LINGO1: variants seen among roughly 807,000 people sequenced by gnomAD.
The protein encoded by LINGO1 is leucine rich repeat and Ig domain containing 1.
LINGO1 carries 11 observed loss-of-function variants against 37.3 expected under a neutral mutation model. The observed-to-expected ratio is 0.29, with a 90% CI of 0.19 to 0.49. The LOEUF (loss-of-function observed/expected upper bound fraction) is 0.49, where lower values mean the gene tolerates loss of function less well. Ranked by LOEUF, LINGO1 falls within the 20% of genes least tolerant of loss-of-function variation. LINGO1 has a pLI of 0.99. For missense variants in LINGO1, 585 were observed against 878.2 expected, an observed-to-expected ratio of 0.67 and a Z score of 4.22; for synonymous variants, 387 against 403.0, an observed-to-expected ratio of 0.96 and a Z score of 0.48.
At chr15:77,759,922 T>C (rs1475653922) in intron 1 of LINGO1, among the ~76,000 whole-genome samples, 1 of 152,162 alleles carries the variant, frequency 6.6e-6, no homozygotes, top group Non-Finnish European at 1.5e-5. Flanking sequence ...ACCACACCTA[T>C]AACCAGGGCA....
intron 3 of LINGO1, among the ~76,000 whole-genome samples, chr15:77,641,027 T>G (rs1249276961): frequency 6.6e-6 from 1 of 152,166 alleles, no homozygotes; most frequent in Non-Finnish European, 1.5e-5. Context: ...ATGGCTGAGC[T>G]GAAATCAAAG....
In LINGO1 at chr15:77,615,311, T is replaced by G; in HGVS notation, c.596A>C (p.Glu199Ala). Residue 199 changes from glutamate to alanine, a missense_variant, in exon 2 of 2, where the codon GAG becomes GCG. Physicochemically the swap from Glu to Ala is moderately radical, Grantham distance 107. Coordinates refer to ENST00000355300, the MANE Select transcript of LINGO1 (RefSeq NM_032808.7). ...GLNSLEQLTLEKCNLTSIPTE... is the reference protein window; with the variant it reads ...GLNSLEQLTLAKCNLTSIPTE... ...GGGGATGGAGGTCAGGTTGCATTTCTCCAGCGTCAGCTGCTCCAGGCTGTT... is the reference window on the plus strand; with the variant it reads ...GGGGATGGAGGTCAGGTTGCATTTCGCCAGCGTCAGCTGCTCCAGGCTGTT... The G allele has an allele frequency of 1.2e-6, 2 of 1,613,256 alleles. No individual in the cohort carries two copies. Among genetic ancestry groups the G allele is most frequent in the Non-Finnish European group, 1.7e-6 (2 of 1,179,726 alleles).
At chr15:77,788,246 C>T (rs969158124), upstream of LINGO1, 1 of 152,226 alleles carries the variant, frequency 6.6e-6, no homozygotes, top group Non-Finnish European at 1.5e-5. Context: ...CAGTGATTGC[C>T]CCCTATAACC....
At chr15:77,683,396 C>G (rs1156868008) in intron 2 of LINGO1, among the ~76,000 whole-genome samples, 3 of 152,070 alleles carry the variant, frequency 2.0e-5, no homozygotes, top group African/African-American at 7.2e-5. Context: ...CGGGTGTCAG[C>G]AAGATATATA....
intron 1 of LINGO1, among the ~76,000 whole-genome samples, chr15:77,818,434 G>A (rs527830508): frequency 1.1e-4 from 17 of 152,316 alleles, no homozygotes; most frequent in African/African-American, 3.1e-4. Context: ...ACAAAGCACA[G>A]CCACAACCTC....
At position 77,703,354 on chromosome 15, in the gene LINGO1, C is replaced by T. The variant is rs79124431; in HGVS notation, c.-194-12453G>A. On this transcript the variant is annotated intron_variant, in intron 2 of 3. Coordinates refer to the LINGO1 transcript ENST00000561686. ...TCCCACTCTTAGAACGTGATTGTTT[C>T]GTGTCCTCGTGGGTTTTCAGTTCCT... is the stretch of plus-strand genomic sequence containing the variant. Among the ~76,000 whole-genome samples, 169 of 152,278 alleles carry T rather than the reference C, an allele frequency of 1.1e-3. 4 individuals are homozygous for T. The East Asian group carries it at 0.028, about 25-fold the overall frequency.
At chr15:77,806,718 A>G (rs983082951) in intron 1 of LINGO1, among the ~76,000 whole-genome samples, 2 of 152,114 alleles carry the variant, frequency 1.3e-5, no homozygotes, top group Non-Finnish European at 2.9e-5. Context: ...CCCCCAGTCC[A>G]GGGAAGAACT....
chr15:77,658,679 A>G (rs540124888), intron 3 of LINGO1, among the ~76,000 whole-genome samples: 3 of 152,388 alleles, frequency 2.0e-5, no homozygotes, highest in Admixed American at 1.3e-4. Flanking sequence ...GTCTGCTTTC[A>G]GCACTAAGAG....
chr15:77,804,246 G>A (rs1159577319), intron 1 of LINGO1, among the ~76,000 whole-genome samples: 2 of 152,176 alleles, frequency 1.3e-5, no homozygotes, highest in Admixed American at 6.5e-5. Context: ...CCAGCCCAAA[G>A]ATCCAGAAGC....
At position 77,741,515 on chromosome 15, in the gene LINGO1, T is replaced by C. The variant is rs2076264100; in HGVS notation, c.-256-6462A>G. 3.9e-5 allele frequency among the ~76,000 whole-genome samples: 6 copies of C among 152,072 alleles called. No individual in the cohort carries two copies. The South Asian group carries it at 1.0e-3, about 26-fold the overall frequency. On this transcript the variant is annotated intron_variant, in intron 1 of 3. Transcript: ENST00000561686. ...CCCTTCCCTGGTGTCCTCAGGAGCC[T>C]AGGCCCCAGCATCCCCAAGAGCAGC...
Position 77,795,166 on chromosome 15 carries a change from G to A in LINGO1, c.-343+773C>T, listed in dbSNP as rs553258807. On this transcript the variant is annotated intron_variant, in intron 2 of 5. Transcript: ENST00000562933. ...AGAGGCCTGTTGAGAACAGAGGATTGGCCCAGATATGGGGTAGAGGTGACT... is the reference window on the plus strand; with the variant it reads ...AGAGGCCTGTTGAGAACAGAGGATTAGCCCAGATATGGGGTAGAGGTGACT... Among the ~76,000 whole-genome samples, 5 of 152,298 alleles carry A rather than the reference G, an allele frequency of 3.3e-5. No homozygotes were observed. In the South Asian group the frequency reaches 1.0e-3, roughly 32 times the overall value.
intron 2 of LINGO1, among the ~76,000 whole-genome samples, chr15:77,793,442 G>A (rs891886230): frequency 8.6e-5 from 13 of 152,018 alleles, no homozygotes; most frequent in South Asian, 4.2e-4. Flanking sequence ...CTCAGCCTCC[G>A]GTGCAAGCCT....
intron 1 of LINGO1, among the ~76,000 whole-genome samples, chr15:77,764,653 G>A (rs1483205423): frequency 2.0e-5 from 3 of 152,196 alleles, no homozygotes; most frequent in Non-Finnish European, 4.4e-5. Flanking sequence ...TTGGTGGACA[G>A]CTAAAAAGCC....
intron 3 of LINGO1, among the ~76,000 whole-genome samples, chr15:77,639,722 G>T (rs1358834496): frequency 2.6e-5 from 4 of 152,056 alleles, no homozygotes; most frequent in Admixed American, 2.6e-4. Context: ...TATGTACAAG[G>T]TATACCATTT....
At chr15:77,704,451 T>C (rs1454565486) in intron 2 of LINGO1, among the ~76,000 whole-genome samples, 1 of 151,778 alleles carries the variant, frequency 6.6e-6, no homozygotes, top group African/African-American at 2.4e-5. Context: ...GGTCAGACAC[T>C]GAGTCCCGAC....
At chr15:77,639,061 T>C (rs116014738), upstream of LINGO1, among the ~76,000 whole-genome samples, 1,057 of 152,224 alleles carry the variant, frequency 6.9e-3, 12 homozygotes, top group African/African-American at 0.024. Context: ...CTGATGTCTC[T>C]AGTCAACCCC....
intron 1 of LINGO1, among the ~76,000 whole-genome samples, chr15:77,749,150 C>A (rs184762339): frequency 6.6e-6 from 1 of 151,906 alleles, no homozygotes; most frequent in African/African-American, 2.4e-5. Context: ...TTAGGTGATC[C>A]GCCTGCCTCG....
intron 1 of LINGO1, among the ~76,000 whole-genome samples, chr15:77,692,036 T>G (rs1301359955): frequency 2.0e-5 from 3 of 152,216 alleles, no homozygotes; most frequent in Non-Finnish European, 4.4e-5. Flanking sequence ...GAGTGGGGCT[T>G]GAACACTTGA....
chr15:77,656,462 T>C (rs1250687773), intron 3 of LINGO1, among the ~76,000 whole-genome samples: 1 of 152,182 alleles, frequency 6.6e-6, no homozygotes, highest in Non-Finnish European at 1.5e-5. Flanking sequence ...AATGCCAGTG[T>C]GCGGGTTCTC....
Sources: gnomAD v4.1 joint callset for allele counts (sites outside exome capture counted in the v4.1 genomes callset) on GRCh38, gnomAD v4.1.1 for gene constraint, MANE v1.5 for transcripts, NCBI Gene and HGNC (gene_info 2026-07-23, HGNC 2026-07-21) for gene names.